DPP6: variants seen among roughly 807,000 people sequenced by gnomAD.
DPP6 encodes A-type potassium channel modulatory protein DPP6.
A neutral mutation model predicts 122.6 loss-of-function variants in DPP6; 69 were observed. That is an observed-to-expected ratio of 0.56 (90% CI 0.46 to 0.69). DPP6 has a LOEUF of 0.69. Ranked by LOEUF, DPP6 falls within the 30% of genes least tolerant of loss-of-function variation. The probability of loss-of-function intolerance (pLI) is 0.00; values close to 1 mark genes in which losing one functional copy is unlikely to be tolerated. For missense variants in DPP6, 928 were observed against 1,116.9 expected, an observed-to-expected ratio of 0.83 and a Z score of 2.41; for synonymous variants, 418 against 433.1, an observed-to-expected ratio of 0.97 and a Z score of 0.43.
intron 1 of DPP6, among the ~76,000 whole-genome samples, chr7:154,207,182 G>A (rs899898584): frequency 6.6e-6 from 1 of 152,204 alleles, no homozygotes; most frequent in Non-Finnish European, 1.5e-5. Context: ...TCTAATGACT[G>A]TCTGGTGCTT....
chr7:153,917,753 A>G (rs1800391330), intron 1 of DPP6, among the ~76,000 whole-genome samples: 1 of 152,216 alleles, frequency 6.6e-6, no homozygotes, highest in Non-Finnish European at 1.5e-5. Flanking sequence ...CCTGTTTTTA[A>G]AAGGTATTTT....
chr7:153,914,418 C>A (rs1402720087), intron 1 of DPP6, among the ~76,000 whole-genome samples: 1 of 152,132 alleles, frequency 6.6e-6, no homozygotes, highest in Non-Finnish European at 1.5e-5. Flanking sequence ...TTCTCCATAC[C>A]TTCCCTGGAG....
At chr7:154,630,794 G>A (rs1835360921) in intron 5 of DPP6, among the ~76,000 whole-genome samples, 2 of 152,100 alleles carry the variant, frequency 1.3e-5, no homozygotes, top group African/African-American at 4.8e-5. Flanking sequence ...GGGGATGGGA[G>A]GCAAGGGGAG....
chr7:154,617,455 C>A (rs530908645), intron 5 of DPP6, among the ~76,000 whole-genome samples: 11 of 152,058 alleles, frequency 7.2e-5, no homozygotes, highest in Admixed American at 6.6e-5. Context: ...TCCGATTGTG[C>A]GAATAGGTCA....
chr7:154,394,674 T>C (rs1389890189), intron 1 of DPP6, among the ~76,000 whole-genome samples: 1 of 152,184 alleles, frequency 6.6e-6, no homozygotes, highest in African/African-American at 2.4e-5. Flanking sequence ...ACAAACCAAA[T>C]GTCATGAAGT....
intron 1 of DPP6, among the ~76,000 whole-genome samples, chr7:154,418,484 G>T (rs920193776): frequency 6.6e-6 from 1 of 152,104 alleles, no homozygotes. Flanking sequence ...TAGATTGTGC[G>T]AAAGGAAAGT....
intron 1 of DPP6, among the ~76,000 whole-genome samples, chr7:154,331,985 G>A (rs1282152363): frequency 6.6e-6 from 1 of 152,126 alleles, no homozygotes; most frequent in African/African-American, 2.4e-5. Flanking sequence ...TTTGGGTGAT[G>A]GGGTCTGTGA....
chr7:154,876,844 C>T (rs746643835), intron 20 of DPP6: 1 of 152,242 alleles, frequency 6.6e-6, no homozygotes, highest in South Asian at 2.1e-4. Context: ...CTTACTCTAA[C>T]TTCACCCCTT....
At chr7:154,734,930 C>T (rs1322019610) in intron 8 of DPP6, among the ~76,000 whole-genome samples, 2 of 152,138 alleles carry the variant, frequency 1.3e-5, no homozygotes, top group African/African-American at 2.4e-5. Flanking sequence ...CCACTGGTAA[C>T]GTCTACGTAT....
chr7:154,342,646 T>G (rs1000001369), intron 1 of DPP6, among the ~76,000 whole-genome samples: 11 of 152,306 alleles, frequency 7.2e-5, no homozygotes, highest in Admixed American at 5.9e-4. Flanking sequence ...ATGCCTGTTA[T>G]CCAGGAACTG....
At chr7:153,985,535 C>A (rs1796801775) in intron 1 of DPP6, among the ~76,000 whole-genome samples, 1 of 152,168 alleles carries the variant, frequency 6.6e-6, no homozygotes, top group African/African-American at 2.4e-5. Context: ...GAGAAATGAT[C>A]TACTTTTTTA....
intron 22 of DPP6, 106 bp from the exon 23 acceptor site, chr7:154,887,568 CCT>C: frequency 9.3e-7 from 1 of 1,080,908 alleles, no homozygotes; most frequent in Non-Finnish European, 1.4e-6. Context: ...TGGGAATGAG[CCT>C]GAGTCCTCAC....
At chr7:154,832,783 A>T (rs1563261323) in intron 16 of DPP6, among the ~76,000 whole-genome samples, 1 of 152,226 alleles carries the variant, frequency 6.6e-6, no homozygotes, top group East Asian at 1.9e-4. Flanking sequence ...GCAGTACTGC[A>T]CATTTGTGCT....
At chr7:153,902,948 G>T (rs1447334244) in intron 1 of DPP6, among the ~76,000 whole-genome samples, 1 of 152,158 alleles carries the variant, frequency 6.6e-6, no homozygotes, top group African/African-American at 2.4e-5. Flanking sequence ...CTTATTTCTA[G>T]CTTGTATTAG....
intron 1 of DPP6, among the ~76,000 whole-genome samples, chr7:154,331,617 G>A (rs1017097163): frequency 2.0e-5 from 3 of 152,168 alleles, no homozygotes; most frequent in Non-Finnish European, 4.4e-5. Context: ...ATCCACGAGG[G>A]AATAGCCATC....
intron 1 of DPP6, among the ~76,000 whole-genome samples, chr7:154,309,737 C>T (rs1185506379): frequency 6.6e-6 from 1 of 152,060 alleles, no homozygotes; most frequent in Non-Finnish European, 1.5e-5. Context: ...GTGAAAAGAA[C>T]ACAGAAAAAC....
intron 1 of DPP6, among the ~76,000 whole-genome samples, chr7:154,056,615 A>C (rs1318782183): frequency 2.0e-5 from 3 of 152,212 alleles, no homozygotes; most frequent in Non-Finnish European, 4.4e-5. Flanking sequence ...ATGTGATGAC[A>C]ACAGGATTTT....
In DPP6 at chr7:154,833,929, G is replaced by A. The variant is rs61242046; in HGVS notation, c.1667-19851G>A. On this transcript the variant is annotated intron_variant, in intron 16 of 25. Coordinates refer to ENST00000377770, the MANE Select transcript of DPP6 (RefSeq NM_130797.4). This position sits in a 1 kb window ranked among gnomAD's most constrained non-coding sequence, Gnocchi z 4.3. ...GCCTGGGCTAGGCCTGGATGGTCCC[G>A]GGGCTGCACGGATGTAGCTCATCTT... is the stretch of plus-strand genomic sequence containing the variant. 0.091 allele frequency among the ~76,000 whole-genome samples: 13,793 copies of A among 152,110 alleles called. 702 individuals carry two copies. Among genetic ancestry groups the A allele is most frequent in the South Asian group, 0.16 (757 of 4,804 alleles).
At chr7:154,748,724 G>T (rs950042718) in intron 8 of DPP6, among the ~76,000 whole-genome samples, 77 of 152,272 alleles carry the variant, frequency 5.1e-4, no homozygotes, top group African/African-American at 1.8e-3. Flanking sequence ...TGTGAGCAGG[G>T]CTTCGATGCC....
Sources: gnomAD v4.1 joint callset for allele counts (sites outside exome capture counted in the v4.1 genomes callset) on GRCh38, gnomAD v4.1.1 for gene constraint, Gnocchi (gnomAD v3.1) non-coding constraint, MANE v1.5 for transcripts, NCBI Gene and HGNC (gene_info 2026-07-23, HGNC 2026-07-21) for gene names.